SV2B: variants seen among roughly 807,000 people sequenced by gnomAD.
SV2B encodes the protein synaptic vesicle glycoprotein 2B.
Under a neutral mutation model 73.9 loss-of-function variants are expected in SV2B, and 41 were observed. That is an observed-to-expected ratio of 0.56 (90% confidence interval 0.43 to 0.72). SV2B has a LOEUF of 0.72. Among genes scored for constraint, SV2B ranks in the 30% least tolerant of loss-of-function variants. SV2B has a pLI of 0.00. For synonymous variants in SV2B, 314 were observed against 314.2 expected, an observed-to-expected ratio of 1.00 and a Z score of 0.01; for missense variants, 764 against 857.8, an observed-to-expected ratio of 0.89 and a Z score of 1.37.
At chr15:91,162,305 G>A (rs772251377) in intron 1 of SV2B, among the ~76,000 whole-genome samples, 1 of 152,054 alleles carries the variant, frequency 6.6e-6, no homozygotes, top group Non-Finnish European at 1.5e-5. Context: ...GTTTGTTGAT[G>A]GGTTGTTTGA....
chr15:91,278,287 G>T (rs899851813), intron 9 of SV2B, among the ~76,000 whole-genome samples: 1 of 152,056 alleles, frequency 6.6e-6, no homozygotes, highest in Admixed American at 6.5e-5. Context: ...GAGAGGAGAA[G>T]AAAATTGTTT....
chr15:91,118,204 G>A lies in SV2B; in HGVS notation c.-392+17841G>A, dbSNP rs536655305. ...GAGATGCTTGCAAAAAGGGAGACAGGGTACCTTGCACCCTAGCTGGGTGTT... is the reference window on the plus strand; with the variant it reads ...GAGATGCTTGCAAAAAGGGAGACAGAGTACCTTGCACCCTAGCTGGGTGTT... On this transcript the variant is annotated intron_variant, in intron 1 of 12. Coordinates refer to ENST00000394232, the MANE Select transcript of SV2B (RefSeq NM_001323032.3). This position sits in a 1 kb window ranked among gnomAD's most constrained non-coding sequence, Gnocchi z 4.7. Among the ~76,000 whole-genome samples, 1 of 152,240 alleles carries A rather than the reference G, an allele frequency of 6.6e-6. No homozygotes were observed. The highest frequency in any genetic ancestry group is 2.1e-4 in the South Asian group (1 of 4,826).
chr15:91,272,478 C>T (rs540479667), intron 9 of SV2B, among the ~76,000 whole-genome samples: 2 of 152,054 alleles, frequency 1.3e-5, no homozygotes, highest in East Asian at 1.9e-4. Flanking sequence ...TGTGATAGGT[C>T]GTGACCCAGG....
chr15:91,271,634 C>T (rs2048320059), intron 9 of SV2B, among the ~76,000 whole-genome samples: 1 of 152,174 alleles, frequency 6.6e-6, no homozygotes, highest in Non-Finnish European at 1.5e-5. Context: ...CATAATTCCC[C>T]CACTCCCTCC....
Position 91,105,749 on chromosome 15 carries a change from G to A in SV2B, c.-392+5386G>A, listed in dbSNP as rs1314917533. On this transcript the variant is annotated intron_variant, in intron 1 of 12. Transcript: ENST00000394232. The surrounding 1 kb of genome is among the most constrained non-coding windows in gnomAD (Gnocchi z 5.5). ...AGTGACCCAGGTGAGAGAGGGTGGT[G>A]GTTTGGACCAGGCTGGATAGTACTT... Among the ~76,000 whole-genome samples, 1 of 152,150 alleles carries A rather than the reference G, an allele frequency of 6.6e-6. No individual in the cohort carries two copies. Among genetic ancestry groups the A allele is most frequent in the Admixed American group, 6.5e-5 (1 of 15,274 alleles).
chr15:91,228,567 G>C (rs1214435275), intron 2 of SV2B, among the ~76,000 whole-genome samples: 1 of 152,170 alleles, frequency 6.6e-6, no homozygotes, highest in African/African-American at 2.4e-5. Context: ...TGGCCTGCTG[G>C]TCTCTCTGGC....
chr15:91,288,681 CTCTT>C lies in SV2B; in HGVS notation c.1709-835_1709-832del, dbSNP rs995703749. Among the ~76,000 whole-genome samples the C allele has an allele frequency of 1.3e-5, 2 of 149,998 alleles. No homozygotes were observed. Among genetic ancestry groups the C allele is most frequent in the African/African-American group, 4.9e-5 (2 of 40,688 alleles). On this transcript the variant is annotated intron_variant, in intron 11 of 12. Transcript: ENST00000394232. This position sits in a 1 kb window ranked among gnomAD's most constrained non-coding sequence, Gnocchi z 5.8. The stretch of plus-strand genomic sequence containing the variant: ...TCTCCTTCCTTCCTTCCTTCTTTTT[CTCTT>C]TCTTCTTTTTTTGACAGTGTCTTGC...
At chr15:91,173,251 C>T (rs993332473) in intron 1 of SV2B, among the ~76,000 whole-genome samples, 2 of 151,984 alleles carry the variant, frequency 1.3e-5, no homozygotes, top group South Asian at 2.1e-4. Flanking sequence ...AGAGAGAAGC[C>T]GATAAAGCTG....
At chr15:91,271,718 A>G (rs539097149) in intron 9 of SV2B, among the ~76,000 whole-genome samples, 4 of 152,286 alleles carry the variant, frequency 2.6e-5, no homozygotes, top group South Asian at 2.1e-4. Context: ...GATCTAAGGA[A>G]TGAAAGGAGC....
chr15:91,269,710 A>G (rs188984181), intron 9 of SV2B, among the ~76,000 whole-genome samples: 105 of 152,348 alleles, frequency 6.9e-4, no homozygotes, highest in African/African-American at 2.5e-3. Flanking sequence ...GACTTTAGCT[A>G]AGGCTTCCTG....
At chr15:91,213,193 A>C (rs2045923529) in intron 1 of SV2B, among the ~76,000 whole-genome samples, 1 of 152,058 alleles carries the variant, frequency 6.6e-6, no homozygotes, top group South Asian at 2.1e-4. Context: ...GGAAAGAGAG[A>C]GAATAGAGGA....
At chr15:91,158,372 G>A (rs79864850) in intron 1 of SV2B, among the ~76,000 whole-genome samples, 9,898 of 152,148 alleles carry the variant, frequency 0.065, 429 homozygotes, top group Non-Finnish European at 0.089. Flanking sequence ...AAGGTGATGG[G>A]GGACCCTTGA....
chr15:91,193,573 A>T (rs1413440803), intron 1 of SV2B, among the ~76,000 whole-genome samples: 1 of 152,176 alleles, frequency 6.6e-6, no homozygotes, highest in East Asian at 1.9e-4. Flanking sequence ...CATGCATTTT[A>T]AAAAATTTGA....
chr15:91,291,282 T>C (rs1282698362), intron 12 of SV2B, among the ~76,000 whole-genome samples: 1 of 151,776 alleles, frequency 6.6e-6, no homozygotes, highest in East Asian at 1.9e-4. Context: ...AAAGGACATA[T>C]GTTAAAAGAT....
intron 4 of SV2B, among the ~76,000 whole-genome samples, chr15:91,255,023 C>G (rs1271975548): frequency 6.6e-6 from 1 of 152,204 alleles, no homozygotes; most frequent in African/African-American, 2.4e-5. Flanking sequence ...CTTCCTTCCC[C>G]ATCCCTGGAG....
At chr15:91,186,839 G>A (rs778231965) in intron 1 of SV2B, among the ~76,000 whole-genome samples, 4 of 151,994 alleles carry the variant, frequency 2.6e-5, no homozygotes, top group Admixed American at 6.6e-5. Context: ...TCAAAACTGC[G>A]CTTGTACCCC....
intron 2 of SV2B, among the ~76,000 whole-genome samples, chr15:91,250,786 CAT>C (rs2047453188): frequency 6.6e-6 from 1 of 152,068 alleles, no homozygotes; most frequent in African/African-American, 2.4e-5. Flanking sequence ...AACTATAAGA[CAT>C]TGATGAAGAA....
At chr15:91,230,763 A>T (rs552680669) in intron 2 of SV2B, among the ~76,000 whole-genome samples, 1 of 152,356 alleles carries the variant, frequency 6.6e-6, no homozygotes, top group African/African-American at 2.4e-5. Flanking sequence ...CAATACAAGG[A>T]GACAAAGTCC....
rs182787898 is a variant in SV2B, at chr15:91,275,469, C to T, written c.1374-6259C>T. 4.4e-3 allele frequency among the ~76,000 whole-genome samples: 669 copies of T among 152,210 alleles called. 1 individual carries two copies. The highest frequency in any genetic ancestry group is 7.0e-3 in the African/African-American group (291 of 41,526). On this transcript the variant is annotated intron_variant, in intron 9 of 12. Coordinates refer to ENST00000394232, the MANE Select transcript of SV2B (RefSeq NM_001323032.3). ...ACTTGTTTTACATATGCTATAAACA[C>T]GTGATATATTGCTACTATTTTTGCT...
Sources: allele counts gnomAD v4.1 joint callset (sites outside exome capture counted in the v4.1 genomes callset), GRCh38; gene constraint gnomAD v4.1.1; non-coding constraint Gnocchi (gnomAD v3.1); transcripts MANE v1.5; gene names NCBI Gene and HGNC (gene_info 2026-07-23, HGNC 2026-07-21).